SAMD5: variants seen among roughly 807,000 people sequenced by gnomAD.
SAMD5 encodes the protein sterile alpha motif domain-containing protein 5.
A neutral mutation model predicts 11.3 loss-of-function variants in SAMD5; 13 were observed. The ratio of observed to expected loss-of-function variants is 1.15; its 90% CI spans 0.75 to 1.83. SAMD5 has a LOEUF of 1.83. Ranked by LOEUF, SAMD5 falls within the 40% of genes most tolerant of loss-of-function variation. The pLI is 0.00. For synonymous variants in SAMD5, 129 were observed against 111.3 expected (o/e 1.16, Z -1.00); for missense variants, 255 against 239.1 (o/e 1.07, Z -0.44).
the SAMD5 span, among the ~76,000 whole-genome samples, chr6:147,890,735 G>C: frequency 6.6e-6 from 1 of 151,140 alleles, no homozygotes; most frequent in African/African-American, 2.4e-5. Context: ...ACTCATGAAG[G>C]CTATGGATAT....
intron 1 of SAMD5, among the ~76,000 whole-genome samples, chr6:147,600,958 G>A (rs1298146796): frequency 6.6e-6 from 1 of 152,220 alleles, no homozygotes; most frequent in Non-Finnish European, 1.5e-5. Context: ...CTTAAAACTA[G>A]ATCATCACAA....
chr6:147,825,685 A>G, the SAMD5 span, among the ~76,000 whole-genome samples: 1 of 152,228 alleles, frequency 6.6e-6, no homozygotes, highest in Non-Finnish European at 1.5e-5. Context: ...TAATCTCATC[A>G]GTGAATTATG....
At chr6:147,763,136 G>A in the SAMD5 span, among the ~76,000 whole-genome samples, 1 of 151,910 alleles carries the variant, frequency 6.6e-6, no homozygotes. Context: ...AAAATTTTGA[G>A]ATTTTTTTCA....
chr6:147,931,937 T>C, the SAMD5 span, among the ~76,000 whole-genome samples: 1 of 152,172 alleles, frequency 6.6e-6, no homozygotes, highest in Admixed American at 6.5e-5. Context: ...TTGAATGAAA[T>C]ACTTAAAGCA....
At chr6:147,546,925 G>A (rs1326124033) in intron 1 of SAMD5, among the ~76,000 whole-genome samples, 1 of 152,114 alleles carries the variant, frequency 6.6e-6, no homozygotes, top group Non-Finnish European at 1.5e-5. Flanking sequence ...GTTTATTCTA[G>A]TTACTCTGCC....
At chr6:147,530,141 A>G (rs886412522) in intron 1 of SAMD5, among the ~76,000 whole-genome samples, 1 of 152,212 alleles carries the variant, frequency 6.6e-6, no homozygotes, top group Non-Finnish European at 1.5e-5. Context: ...TCAAACAAAC[A>G]TATTAGAGGT....
chr6:147,880,154 G>C, the SAMD5 span, among the ~76,000 whole-genome samples: 4,555 of 152,218 alleles, frequency 0.03, 85 homozygotes, highest in African/African-American at 0.048. Context: ...TTCTCTAGAA[G>C]AAACTGAGAT....
intron 1 of SAMD5, among the ~76,000 whole-genome samples, chr6:147,622,934 A>G (rs1258457032): frequency 6.6e-6 from 1 of 152,108 alleles, no homozygotes; most frequent in Non-Finnish European, 1.5e-5. Context: ...CCCTTATAAA[A>G]CCATCAGACC....
At position 147,509,415 on chromosome 6, in the gene SAMD5, G is replaced by A. The variant is rs748425318; in HGVS notation, c.459+28G>A. The stretch of plus-strand genomic sequence containing the variant: ...AAGGAGGTGCCGTCCGGGCGGCCCG[G>A]GGCGCGCGGCGGGAGGGGACACAGC... On this transcript the variant is annotated intron_variant, in intron 1 of 1. Coordinates refer to ENST00000367474, the MANE Select transcript of SAMD5 (RefSeq NM_001030060.3). 7.4e-6 allele frequency: 11 copies of A among 1,495,916 alleles called. No individual in the cohort carries two copies. In the African/African-American group the frequency reaches 1.3e-4, roughly 18 times the overall value. 92.7% of individuals were successfully genotyped at this position (1,495,916 alleles called of 1,614,324 possible).
At chr6:147,952,446 G>A in the SAMD5 span, among the ~76,000 whole-genome samples, 3 of 152,102 alleles carry the variant, frequency 2.0e-5, no homozygotes, top group Non-Finnish European at 4.4e-5. Context: ...ATACTATCAA[G>A]GTATTCCAAA....
intron 1 of SAMD5, among the ~76,000 whole-genome samples, chr6:147,682,782 A>AT (rs35124996): frequency 0.76 from 115,234 of 151,990 alleles, 43,846 homozygotes; most frequent in South Asian, 0.84. Context: ...TGTAGGATAT[A>AT]TTTTCTCATC....
At chr6:147,630,138 G>A (rs13198985) in intron 1 of SAMD5, among the ~76,000 whole-genome samples, 8 of 151,772 alleles carry the variant, frequency 5.3e-5, no homozygotes, top group Admixed American at 1.3e-4. Flanking sequence ...TAGTAGAGAC[G>A]AGGTTTCTCC....
intron 1 of SAMD5, among the ~76,000 whole-genome samples, chr6:147,586,691 G>T (rs896363220): frequency 2.0e-5 from 3 of 151,500 alleles, no homozygotes; most frequent in South Asian, 2.1e-4. Context: ...ATAACAAAAA[G>T]ATATAAATAA....
At chr6:147,796,760 T>C in the SAMD5 span, among the ~76,000 whole-genome samples, 1 of 151,956 alleles carries the variant, frequency 6.6e-6, no homozygotes, top group Non-Finnish European at 1.5e-5. Flanking sequence ...TGGTTTGTAG[T>C]TCTGCTTGAA....
the SAMD5 span, among the ~76,000 whole-genome samples, chr6:147,889,074 T>C: frequency 5.9e-5 from 9 of 152,306 alleles, no homozygotes; most frequent in Non-Finnish European, 1.2e-4. Flanking sequence ...ACTTTTTGTT[T>C]CCTCATCCTC....
At chr6:147,703,905 A>C (rs542876781) in intron 1 of SAMD5, among the ~76,000 whole-genome samples, 1 of 152,088 alleles carries the variant, frequency 6.6e-6, no homozygotes, top group East Asian at 1.9e-4. Context: ...TTATTTATTT[A>C]TTTATTTTTA....
At chr6:147,609,547 C>CT (rs1053071207) in intron 1 of SAMD5, among the ~76,000 whole-genome samples, 49 of 151,518 alleles carry the variant, frequency 3.2e-4, no homozygotes, top group Admixed American at 1.7e-3. Context: ...CATATTTAAT[C>CT]TTTTTTTTTA....
At chr6:147,929,558 G>GA in the SAMD5 span, among the ~76,000 whole-genome samples, 1 of 152,000 alleles carries the variant, frequency 6.6e-6, no homozygotes, top group African/African-American at 2.4e-5. Flanking sequence ...GAAATAAAAG[G>GA]AAAAATTATA....
At chr6:147,861,144 C>T in the SAMD5 span, among the ~76,000 whole-genome samples, 1 of 151,786 alleles carries the variant, frequency 6.6e-6, no homozygotes, top group African/African-American at 2.4e-5. Flanking sequence ...GCCCTTTCTC[C>T]ATTTCTGCAG....
Sources: gnomAD v4.1 joint callset for allele counts (sites outside exome capture counted in the v4.1 genomes callset) on GRCh38, gnomAD v4.1.1 for gene constraint, MANE v1.5 for transcripts, NCBI Gene and HGNC (gene_info 2026-07-23, HGNC 2026-07-21) for gene names.